The following CPNE1 variants were observed in gnomAD, a reference collection of about 807,000 sequenced individuals.
CPNE1 encodes the protein copine 1.
In CPNE1, 58 loss-of-function variants were observed where a neutral mutation model predicts 63.2. That is an observed-to-expected ratio of 0.92 (90% CI 0.74 to 1.14). The LOEUF (loss-of-function observed/expected upper bound fraction) is 1.14, where lower values mean the gene tolerates loss of function less well. Ranked by LOEUF, CPNE1 falls within the 50% of genes most tolerant of loss-of-function variation. The pLI, the probability that CPNE1 is intolerant of heterozygous loss-of-function variation, is 0.00. For missense variants in CPNE1, 672 were observed against 661.7 expected (o/e 1.02, Z -0.17); for synonymous variants, 237 against 249.0 (o/e 0.95, Z 0.45).
At position 35,628,754 on chromosome 20, in the gene CPNE1, A is replaced by G. The variant is rs560406353; in HGVS notation, c.1103-1341T>C. 2.6e-5 allele frequency among the ~76,000 whole-genome samples: 4 copies of G among 152,380 alleles called. No homozygotes were observed. The East Asian group carries it at 7.7e-4, about 29-fold the overall frequency. Reference sequence around the variant, plus strand: ...GAGATTTTCTTTTGCTGTAAAAGACATTAGGACAATTGGCAACATCTGAAT... The same window carrying G: ...GAGATTTTCTTTTGCTGTAAAAGACGTTAGGACAATTGGCAACATCTGAAT... On this transcript the variant is annotated intron_variant, in intron 13 of 15. Coordinates refer to ENST00000397443, the MANE Select transcript of CPNE1 (RefSeq NM_152925.3).
At position 35,626,762 on chromosome 20, in the gene CPNE1, C is replaced by A. The variant is rs201457688; in HGVS notation, c.1278G>T (p.Thr426=). The change falls in exon 15 of 16, where the codon ACG becomes ACT. Residue 426 remains threonine (T), a synonymous_variant. Transcript: ENST00000397443. ...CAGCCTCACGTGTGGCTTCCACATC[C>A]GTCACAGCACCATCAGTCAGCAGCA... ...MLLLLTDGAV[T]DVEATREAVV... 1.2e-6 allele frequency: 2 copies of A among 1,614,126 alleles called. No individual in the cohort carries two copies. The highest frequency in any genetic ancestry group is 1.7e-6 in the Non-Finnish European group (2 of 1,180,016).
chr20:35,648,628 A>T (rs1348955359), intron 1 of CPNE1, among the ~76,000 whole-genome samples: 1 of 152,232 alleles, frequency 6.6e-6, no homozygotes, highest in Admixed American at 6.5e-5. Flanking sequence ...AATACAAGCT[A>T]AACTCTTTCA....
chr20:35,658,358 A>T (rs1053855836), intron 1 of CPNE1, among the ~76,000 whole-genome samples: 11 of 152,232 alleles, frequency 7.2e-5, no homozygotes, highest in African/African-American at 2.7e-4. Flanking sequence ...CTTACTGCCT[A>T]TCAGGAAAAT....
chr20:35,653,709 AT>A, intron 1 of CPNE1: 1 of 1,614,202 alleles, frequency 6.2e-7, no homozygotes, highest in Non-Finnish European at 8.5e-7. Flanking sequence ...CAGAGTTGAC[AT>A]CCCCCTCTGG....
intron 13 of CPNE1, among the ~76,000 whole-genome samples, chr20:35,629,609 C>G (rs892331774): frequency 6.6e-6 from 1 of 151,812 alleles, no homozygotes; most frequent in African/African-American, 2.4e-5. Context: ...CTTATGAAAC[C>G]AAAGCACACA....
chr20:35,643,012 G>T (rs547998356), intron 1 of CPNE1: 2 of 152,176 alleles, frequency 1.3e-5, no homozygotes, highest in African/African-American at 2.4e-5. Flanking sequence ...ATCCCCAAAG[G>T]CTTATCCAAA....
In CPNE1 at chr20:35,627,537, G is replaced by A. The variant is rs566420424; in HGVS notation, c.1103-124C>T. The A allele has an allele frequency of 1.4e-5, 13 of 926,084 alleles. No individual in the cohort carries two copies. In the East Asian group the frequency reaches 2.7e-4, roughly 19 times the overall value. 57.4% of individuals were successfully genotyped at this position (926,084 alleles called of 1,614,324 possible). Reference sequence around the variant, plus strand: ...GGGTGCATTTCATTCATTCACCCTTGTAAACCAGGGTACTTAACTGTCTCC... The same window carrying A: ...GGGTGCATTTCATTCATTCACCCTTATAAACCAGGGTACTTAACTGTCTCC... On this transcript the variant is annotated intron_variant, in intron 13 of 15. Transcript: ENST00000397443.
chr20:35,664,127 G>T (rs938091485), intron 1 of CPNE1, among the ~76,000 whole-genome samples: 1 of 150,680 alleles, frequency 6.6e-6, no homozygotes, highest in Admixed American at 6.6e-5. Context: ...CTACACCCTC[G>T]AGTAAAGCCC....
At chr20:35,656,445 G>A (rs1260710683) in intron 1 of CPNE1, among the ~76,000 whole-genome samples, 7 of 152,172 alleles carry the variant, frequency 4.6e-5, no homozygotes, top group Non-Finnish European at 5.9e-5. Flanking sequence ...GACACAAACC[G>A]AATTATTGGG....
rs1303551818 is a variant in CPNE1 at position 35,654,949 on chromosome 20, T to C, written c.-1+9811A>G. On this transcript the variant is annotated intron_variant, in intron 1 of 15. Transcript: ENST00000397443. ...TACACTGGGTGATGGATTATTAAAG[T>C]TGGATACTGTTGTGGGCAAGTTTAC... The C allele has an allele frequency of 3.1e-6, 5 of 1,614,068 alleles. No individual in the cohort carries two copies. In the South Asian group the frequency reaches 3.3e-5, roughly 11 times the overall value.
Position 35,661,297 on chromosome 20 carries a change from A to C in CPNE1, c.-1+3463T>G, listed in dbSNP as rs554958245. Among the ~76,000 whole-genome samples, 4 of 152,372 alleles carry C rather than the reference A, an allele frequency of 2.6e-5. No homozygotes were observed. In the South Asian group the frequency reaches 8.3e-4, roughly 32 times the overall value. On this transcript the variant is annotated intron_variant, in intron 1 of 15. Coordinates refer to ENST00000397443, the MANE Select transcript of CPNE1 (RefSeq NM_152925.3). Reference sequence around the variant, plus strand: ...TTTAACATAAGTGTCACTGTTTTCCAGGAAACTACTATTCCTGTATTCTAA... The same window carrying C: ...TTTAACATAAGTGTCACTGTTTTCCCGGAAACTACTATTCCTGTATTCTAA...
intron 1 of CPNE1, chr20:35,650,083 C>T (rs1242569144): frequency 6.6e-6 from 1 of 152,552 alleles, no homozygotes; most frequent in Admixed American, 6.5e-5. Flanking sequence ...ATGCCCAGAA[C>T]AAGATAAACA....
intron 13 of CPNE1, 51 bp from the exon 14 acceptor site, chr20:35,627,464 C>T (rs371661762): frequency 8.2e-6 from 13 of 1,579,406 alleles, no homozygotes; most frequent in African/African-American, 8.1e-5. Context: ...CTCAGGACTA[C>T]ACCAGTCCTG....
intron 1 of CPNE1, among the ~76,000 whole-genome samples, chr20:35,639,122 A>G (rs2032656551): frequency 6.6e-6 from 1 of 152,070 alleles, no homozygotes; most frequent in Non-Finnish European, 1.5e-5. Flanking sequence ...AACAACCCAT[A>G]AACAAATGTT....
At chr20:35,659,124 AT>A (rs2034081423) in intron 1 of CPNE1, 2 of 409,680 alleles carry the variant, frequency 4.9e-6, no homozygotes. Context: ...AGAGTACTTC[AT>A]TAGAATGCAT....
intron 1 of CPNE1, among the ~76,000 whole-genome samples, chr20:35,638,609 A>C (rs1280588592): frequency 8.1e-6 from 1 of 122,776 alleles, no homozygotes; most frequent in Non-Finnish European, 1.8e-5. Flanking sequence ...AAACCTAACA[A>C]ACACCTAGCC....
Position 35,632,652 on chromosome 20 carries a change from GA to G in CPNE1, c.173del (p.Phe58SerfsTer24). On this transcript the variant is annotated frameshift_variant, in exon 3 of 16. Coordinates refer to ENST00000397443, the MANE Select transcript of CPNE1 (RefSeq NM_152925.3). LOFTEE classifies it high-confidence loss of function. ...GGTACTCAAGCTGTAGAGTCTTGGAGAACTCAGGGCTTGAGCAGTTCCGCAC... is the reference window on the plus strand; with the variant it reads ...GGTACTCAAGCTGTAGAGTCTTGGAGACTCAGGGCTTGAGCAGTTCCGCAC... Reference protein sequence around the residue: ...ERVRNCSSPEFSKTLQLEYRF... With the variant: ...ERVRNCSSPEXSKTLQLEYRF... The G allele has an allele frequency of 7.1e-7, 1 of 1,406,860 alleles. No homozygotes were observed. 87.1% of individuals were successfully genotyped at this position (1,406,860 alleles called of 1,614,324 possible). A position where few individuals can be genotyped will look rare whatever the true frequency, so the allele number is the denominator to read the frequency against.
intron 1 of CPNE1, chr20:35,653,693 CT>C (rs1450749389): frequency 1.2e-6 from 2 of 1,614,100 alleles, no homozygotes. Context: ...TGGGCACAGA[CT>C]TTGGCAGAGT....
Position 35,627,400 on chromosome 20 carries a change from A to C in CPNE1, c.1116T>G (p.Ile372Met). ...SNPYCAGIQG[I>M]VDAYRQALPQ... ...GCAGGGCTTGGCGGTAGGCATCCAC[A>C]ATGCCCTGGATGCCTGCAGAGGAGA... The change falls in exon 14 of 16, where the codon ATT becomes ATG. Residue 372 changes from isoleucine (I) to methionine (M), a missense_variant. By Grantham distance (10) the Ile-to-Met change is conservative. Coordinates refer to ENST00000397443, the MANE Select transcript of CPNE1 (RefSeq NM_152925.3). The C allele has an allele frequency of 6.2e-7, 1 of 1,613,902 alleles. No individual in the cohort carries two copies. Among genetic ancestry groups the C allele is most frequent in the African/African-American group, 1.3e-5 (1 of 74,984 alleles).
Sources: allele counts gnomAD v4.1 joint callset (sites outside exome capture counted in the v4.1 genomes callset), GRCh38; gene constraint gnomAD v4.1.1; transcripts MANE v1.5; gene names NCBI Gene and HGNC (gene_info 2026-07-23, HGNC 2026-07-21).